Variants in ZNF804B observed in about 807,000 individuals in gnomAD.
ZNF804B encodes the protein zinc finger protein 804B.
A neutral mutation model predicts 101.4 loss-of-function variants in ZNF804B; 80 were observed. The ratio of observed to expected loss-of-function variants is 0.79; its 90% CI spans 0.66 to 0.95. The LOEUF is 0.95. ZNF804B is among the 40% of genes least tolerant of loss of function. The pLI, the probability that ZNF804B is intolerant of heterozygous loss-of-function variation, is 0.00. For missense variants in ZNF804B, 1,673 were observed against 1,561.9 expected (o/e 1.07, Z -1.20); for synonymous variants, 622 against 558.8 (o/e 1.11, Z -1.59).
chr7:89,268,620 T>C (rs7779407), intron 2 of ZNF804B, among the ~76,000 whole-genome samples: 42,707 of 151,614 alleles, frequency 0.28, 6,225 homozygotes, highest in South Asian at 0.34. Flanking sequence ...AGAGCGCAAA[T>C]TTAAGAGTCT....
rs1791018639 is a variant in ZNF804B, at chr7:89,333,532, A to G, written c.550A>G (p.Thr184Ala). Residue 184 changes from threonine (T) to alanine (A), a missense_variant, in exon 4 of 4, where the codon ACC becomes GCC. By Grantham distance (58) the Thr-to-Ala change is moderately conservative. Coordinates refer to ENST00000333190, the MANE Select transcript of ZNF804B (RefSeq NM_181646.5). ...AATCATATCCGATAAACAGCGGTCC[A>G]CCATGCCAAATCGACACCAATTACA... Reference protein sequence around the residue: ...PRIISDKQRSTMPNRHQLQSD... With the variant: ...PRIISDKQRSAMPNRHQLQSD... 1.9e-6 allele frequency: 3 copies of G among 1,613,446 alleles called. No homozygotes were observed. In the Admixed American group the frequency reaches 5.0e-5, roughly 27 times the overall value.
At chr7:88,896,245 A>G (rs552063961) in intron 1 of ZNF804B, among the ~76,000 whole-genome samples, 2 of 152,346 alleles carry the variant, frequency 1.3e-5, no homozygotes, top group East Asian at 1.9e-4. Context: ...TAATTTATCA[A>G]GATGGATTCA....
intron 1 of ZNF804B, among the ~76,000 whole-genome samples, chr7:88,990,916 G>C (rs554695324): frequency 2.0e-5 from 3 of 151,922 alleles, no homozygotes; most frequent in Non-Finnish European, 4.4e-5. Context: ...TTTTAGTTTT[G>C]TTTCTTTTTT....
chr7:88,855,067 C>G (rs62462056), intron 1 of ZNF804B, among the ~76,000 whole-genome samples: 6 of 151,844 alleles, frequency 4.0e-5, no homozygotes, highest in Non-Finnish European at 8.8e-5. Flanking sequence ...ATAAACATAC[C>G]TGTGCATGTG....
chr7:89,039,916 C>T (rs1788989937), intron 1 of ZNF804B, among the ~76,000 whole-genome samples: 1 of 151,976 alleles, frequency 6.6e-6, no homozygotes, highest in South Asian at 2.1e-4. Flanking sequence ...TTCTCTTTAT[C>T]TTTGACTTTT....
intron 1 of ZNF804B, among the ~76,000 whole-genome samples, chr7:89,035,448 A>G (rs1487472140): frequency 6.6e-6 from 1 of 151,914 alleles, no homozygotes. Context: ...AAAATCAGCT[A>G]CGTTGGCTTT....
intron 1 of ZNF804B, among the ~76,000 whole-genome samples, chr7:88,993,002 A>G (rs1030381878): frequency 3.3e-5 from 5 of 152,016 alleles, no homozygotes; most frequent in African/African-American, 1.2e-4. Flanking sequence ...TATGAGTGAT[A>G]TTACAAAGAT....
chr7:89,247,811 C>A (rs1442346522), intron 2 of ZNF804B, among the ~76,000 whole-genome samples: 1 of 151,960 alleles, frequency 6.6e-6, no homozygotes, highest in Non-Finnish European at 1.5e-5. Flanking sequence ...CAAGGAAGCT[C>A]AACAAGATCC....
chr7:89,024,316 A>G (rs996694423), intron 1 of ZNF804B, among the ~76,000 whole-genome samples: 11 of 152,140 alleles, frequency 7.2e-5, no homozygotes, highest in African/African-American at 2.4e-4. Flanking sequence ...TGCTTAACTC[A>G]TGTCAACTTA....
intron 2 of ZNF804B, among the ~76,000 whole-genome samples, chr7:89,277,194 A>T (rs2115855550): frequency 6.7e-6 from 1 of 149,994 alleles, no homozygotes; most frequent in East Asian, 1.9e-4. Flanking sequence ...ACATACACAC[A>T]GAAGAGAAAT....
intron 1 of ZNF804B, among the ~76,000 whole-genome samples, chr7:88,768,749 G>T (rs1310385676): frequency 6.6e-6 from 1 of 152,014 alleles, no homozygotes; most frequent in Non-Finnish European, 1.5e-5. Context: ...TACAAATACT[G>T]ATTTTTATGT....
chr7:89,300,930 G>C (rs899184895), intron 2 of ZNF804B, among the ~76,000 whole-genome samples: 1 of 151,706 alleles, frequency 6.6e-6, no homozygotes, highest in African/African-American at 2.4e-5. Flanking sequence ...GTGGCATCCA[G>C]GAAGAAAATA....
chr7:89,311,217 T>G (rs1322848020), intron 2 of ZNF804B, among the ~76,000 whole-genome samples: 1 of 152,190 alleles, frequency 6.6e-6, no homozygotes, highest in African/African-American at 2.4e-5. Context: ...TTTGAGAAAT[T>G]TATTTGAGTA....
chr7:89,232,140 G>A (rs1476085269), intron 2 of ZNF804B, among the ~76,000 whole-genome samples: 1 of 151,978 alleles, frequency 6.6e-6, no homozygotes, highest in Non-Finnish European at 1.5e-5. Flanking sequence ...AATTATAAAC[G>A]GGCTTCCGTT....
chr7:89,291,918 C>A (rs1389518979), intron 2 of ZNF804B, among the ~76,000 whole-genome samples: 3 of 152,010 alleles, frequency 2.0e-5, no homozygotes, highest in African/African-American at 7.2e-5. Flanking sequence ...CAATGGAGTT[C>A]TAATATGATT....
At chr7:89,038,094 G>A (rs1043486313) in intron 1 of ZNF804B, among the ~76,000 whole-genome samples, 7 of 152,068 alleles carry the variant, frequency 4.6e-5, no homozygotes, top group Admixed American at 6.6e-5. Context: ...CACTTACATT[G>A]ATTCCATATC....
chr7:89,233,268 T>A (rs775649342), intron 2 of ZNF804B, among the ~76,000 whole-genome samples: 21 of 152,206 alleles, frequency 1.4e-4, no homozygotes, highest in African/African-American at 5.1e-4. Context: ...TAACCAAACC[T>A]GAACCCTTAG....
chr7:89,017,201 T>C (rs933600022), intron 1 of ZNF804B, among the ~76,000 whole-genome samples: 2 of 152,252 alleles, frequency 1.3e-5, no homozygotes, highest in African/African-American at 4.8e-5. Context: ...CGTGAGACTT[T>C]GCTGAAGTTG....
chr7:88,789,338 TA>T (rs1336432057), intron 1 of ZNF804B, among the ~76,000 whole-genome samples: 1 of 152,134 alleles, frequency 6.6e-6, no homozygotes, highest in Non-Finnish European at 1.5e-5. Flanking sequence ...TGTAGAGGAA[TA>T]AAGGTCTGCA....
Sources: allele counts gnomAD v4.1 joint callset (sites outside exome capture counted in the v4.1 genomes callset), GRCh38; gene constraint gnomAD v4.1.1; transcripts MANE v1.5; gene names NCBI Gene and HGNC (gene_info 2026-07-23, HGNC 2026-07-21).